Variants in BABAM2 observed in about 807,000 individuals in gnomAD.
BABAM2 encodes the protein BRISC and BRCA1 A complex member 2, also known as BRISC and BRCA1-A complex member 2.
A neutral mutation model predicts 54.7 loss-of-function variants in BABAM2; 31 were observed. The observed-to-expected ratio is 0.57, with a 90% CI of 0.43 to 0.77. The LOEUF (loss-of-function observed/expected upper bound fraction) is 0.77. Ranked by LOEUF, BABAM2 falls within the 30% of genes least tolerant of loss-of-function variation. The probability of loss-of-function intolerance (pLI) is 0.00; values close to 1 mark genes in which losing one functional copy is unlikely to be tolerated. For synonymous variants in BABAM2, 167 were observed against 162.9 expected (o/e 1.03, Z -0.19); for missense variants, 364 against 455.8 (o/e 0.80, Z 1.83).
chr2:28,172,606 T>C (rs1427940389), intron 7 of BABAM2, among the ~76,000 whole-genome samples: 2 of 152,202 alleles, frequency 1.3e-5, no homozygotes, highest in Non-Finnish European at 2.9e-5. Context: ...GAAAACCTTG[T>C]CTCAGCGAGG....
chr2:28,140,876 A>G (rs550107273), intron 7 of BABAM2, among the ~76,000 whole-genome samples: 78 of 152,306 alleles, frequency 5.1e-4, no homozygotes, highest in African/African-American at 1.9e-3. Flanking sequence ...CTTAAATGGT[A>G]GAAGTTTATT....
intron 7 of BABAM2, among the ~76,000 whole-genome samples, chr2:28,151,151 G>A (rs780873723): frequency 3.9e-5 from 6 of 152,176 alleles, no homozygotes; most frequent in Non-Finnish European, 8.8e-5. Flanking sequence ...CATATATGAG[G>A]TTTTTAATTT....
At chr2:27,955,327 T>C (rs1670007106) in intron 3 of BABAM2, among the ~76,000 whole-genome samples, 1 of 152,224 alleles carries the variant, frequency 6.6e-6, no homozygotes, top group Non-Finnish European at 1.5e-5. Flanking sequence ...TGGCATACTT[T>C]GCTAGGAAGT....
At chr2:28,312,155 A>G (rs1689143294) in intron 11 of BABAM2, among the ~76,000 whole-genome samples, 1 of 152,190 alleles carries the variant, frequency 6.6e-6, no homozygotes. Context: ...CATGAATTCT[A>G]GAAAAAAGGG....
intron 5 of BABAM2, among the ~76,000 whole-genome samples, chr2:28,036,990 A>G (rs1436321202): frequency 6.6e-6 from 1 of 152,196 alleles, no homozygotes; most frequent in African/African-American, 2.4e-5. Context: ...TGCTCAGTAA[A>G]TATTTGTTCA....
At chr2:28,208,316 A>G (rs577638936) in intron 7 of BABAM2, among the ~76,000 whole-genome samples, 1 of 152,328 alleles carries the variant, frequency 6.6e-6, no homozygotes. Flanking sequence ...TATTGCTATA[A>G]AAGAAAAAAG....
intron 4 of BABAM2, among the ~76,000 whole-genome samples, 197 bp from the exon 5 acceptor site, chr2:28,025,029 T>C (rs934350811): frequency 1.3e-5 from 2 of 152,184 alleles, no homozygotes; most frequent in African/African-American, 4.8e-5. Context: ...CTGCAAGGAT[T>C]TTTTTAGAAG....
At chr2:28,118,533 T>A (rs747839233) in intron 6 of BABAM2, among the ~76,000 whole-genome samples, 8 of 152,342 alleles carry the variant, frequency 5.3e-5, no homozygotes, top group Non-Finnish European at 1.2e-4. Flanking sequence ...GAGAAGTGTC[T>A]GTTCATATCC....
At chr2:28,263,249 T>C (rs1248608019) in intron 10 of BABAM2, among the ~76,000 whole-genome samples, 1 of 152,126 alleles carries the variant, frequency 6.6e-6, no homozygotes, top group African/African-American at 2.4e-5. Context: ...GAGTATTCAC[T>C]ATATGCAAAG....
chr2:28,314,541 G>T (rs1689351074), intron 11 of BABAM2, among the ~76,000 whole-genome samples: 1 of 152,170 alleles, frequency 6.6e-6, no homozygotes, highest in Non-Finnish European at 1.5e-5. Context: ...ATTTGTAGTG[G>T]CTAACATTTA....
At chr2:28,087,620 T>G (rs1665772385) in intron 6 of BABAM2, among the ~76,000 whole-genome samples, 1 of 152,082 alleles carries the variant, frequency 6.6e-6, no homozygotes, top group East Asian at 1.9e-4. Context: ...TGCCAGTACC[T>G]CTATTTTACC....
intron 10 of BABAM2, among the ~76,000 whole-genome samples, chr2:28,280,371 TTTAAGTA>T (rs1686250257): frequency 6.6e-6 from 1 of 152,086 alleles, no homozygotes; most frequent in East Asian, 1.9e-4. Flanking sequence ...ATAACTGATT[TTTAAGTA>T]TTTAAAAATC....
intron 3 of BABAM2, among the ~76,000 whole-genome samples, chr2:27,987,358 A>C (rs950955296): frequency 6.6e-6 from 1 of 152,236 alleles, no homozygotes; most frequent in Non-Finnish European, 1.5e-5. Context: ...GTAAAGGCTT[A>C]CTAATTAATT....
chr2:27,911,463 A>G (rs1349249758), intron 2 of BABAM2, among the ~76,000 whole-genome samples: 8 of 152,176 alleles, frequency 5.3e-5, no homozygotes, highest in Non-Finnish European at 8.8e-5. Flanking sequence ...GAAGGAAGAC[A>G]GAGAAAGGAC....
At chr2:28,199,415 C>T (rs1678009456) in intron 7 of BABAM2, among the ~76,000 whole-genome samples, 2 of 152,212 alleles carry the variant, frequency 1.3e-5, no homozygotes, top group African/African-American at 4.8e-5. Flanking sequence ...AGATGACAGT[C>T]TTTGTTTTGA....
chr2:28,226,640 T>C (rs1034102228), intron 7 of BABAM2, among the ~76,000 whole-genome samples: 2 of 152,088 alleles, frequency 1.3e-5, no homozygotes, highest in Non-Finnish European at 2.9e-5. Flanking sequence ...TTATCTTAAA[T>C]AGATGGTTCA....
chr2:28,035,269 G>A (rs778956600), intron 5 of BABAM2, among the ~76,000 whole-genome samples: 24 of 152,052 alleles, frequency 1.6e-4, no homozygotes, highest in Non-Finnish European at 3.5e-4. Context: ...GACAGCACTG[G>A]TCTAGCGTGA....
chr2:28,102,005 G>C (rs912891830), intron 6 of BABAM2, among the ~76,000 whole-genome samples: 1 of 152,124 alleles, frequency 6.6e-6, no homozygotes, highest in Non-Finnish European at 1.5e-5. Flanking sequence ...GGTATCAATT[G>C]TTGTAAATAA....
chr2:28,037,325 T>C (rs1157221937), intron 5 of BABAM2, among the ~76,000 whole-genome samples: 1 of 152,202 alleles, frequency 6.6e-6, no homozygotes, highest in African/African-American at 2.4e-5. Flanking sequence ...TATTATGCAC[T>C]GTTTTGGATC....
Sources: gnomAD v4.1 joint callset for allele counts (sites outside exome capture counted in the v4.1 genomes callset) on GRCh38, gnomAD v4.1.1 for gene constraint, MANE v1.5 for transcripts, NCBI Gene and HGNC (gene_info 2026-07-23, HGNC 2026-07-21) for gene names.